SGCG: variants seen among roughly 807,000 people sequenced by gnomAD.
SGCG encodes the protein sarcoglycan gamma.
A neutral mutation model predicts 29.3 loss-of-function variants in SGCG; 26 were observed. The observed-to-expected ratio is 0.89, with a 90% CI of 0.65 to 1.23. The LOEUF (loss-of-function observed/expected upper bound fraction) is 1.23, where lower values mean the gene tolerates loss of function less well. SGCG is among the 50% of genes most tolerant of loss of function. The pLI, the probability that SGCG is intolerant of heterozygous loss-of-function variation, is 0.00. For missense variants in SGCG, 353 were observed against 356.0 expected, an observed-to-expected ratio of 0.99 and a Z score of 0.07; for synonymous variants, 145 against 129.7, an observed-to-expected ratio of 1.12 and a Z score of -0.80.
chr13:23,321,187 G>A (rs1248803990), intron 7 of SGCG, among the ~76,000 whole-genome samples: 2 of 152,082 alleles, frequency 1.3e-5, no homozygotes, highest in Non-Finnish European at 2.9e-5. Flanking sequence ...CAGTTTAAAT[G>A]AAAATGAAAG....
At chr13:23,236,559 T>C (rs936659619) in intron 3 of SGCG, among the ~76,000 whole-genome samples, 1 of 152,016 alleles carries the variant, frequency 6.6e-6, no homozygotes, top group Non-Finnish European at 1.5e-5. Flanking sequence ...GCGCCTGTAG[T>C]CCCAGCTACT....
intron 1 of SGCG, among the ~76,000 whole-genome samples, chr13:23,188,878 G>A (rs890128280): frequency 5.3e-5 from 8 of 152,176 alleles, no homozygotes; most frequent in African/African-American, 1.9e-4. Context: ...CCAATCTACA[G>A]GAGCAAGGAT....
At chr13:23,244,396 C>T (rs1879621158) in intron 3 of SGCG, 1 of 152,126 alleles carries the variant, frequency 6.6e-6, no homozygotes, top group South Asian at 2.1e-4. Context: ...TTATGAGAAG[C>T]CTTTGTGTTT....
chr13:23,265,492 C>T (rs1220910421), intron 4 of SGCG, among the ~76,000 whole-genome samples: 1 of 151,918 alleles, frequency 6.6e-6, no homozygotes, highest in Non-Finnish European at 1.5e-5. Flanking sequence ...CAGGAGAATT[C>T]GCTTGAACCT....
chr13:23,303,938 T>C (rs1882271034), intron 6 of SGCG, among the ~76,000 whole-genome samples: 1 of 152,220 alleles, frequency 6.6e-6, no homozygotes, highest in South Asian at 2.1e-4. Context: ...TTAAATATTT[T>C]AAATTTTGCC....
At chr13:23,297,082 T>C (rs1335772271) in intron 6 of SGCG, among the ~76,000 whole-genome samples, 1 of 152,118 alleles carries the variant, frequency 6.6e-6, no homozygotes, top group African/African-American at 2.4e-5. Flanking sequence ...CGGCTGACCA[T>C]GGCCAAACTA....
At chr13:23,178,113 A>G (rs528146097), upstream of SGCG, among the ~76,000 whole-genome samples, 21 of 152,306 alleles carry the variant, frequency 1.4e-4, no homozygotes, top group Admixed American at 5.9e-4. Context: ...AAGGAGTGAT[A>G]TGGACAGAAT....
At chr13:23,249,219 C>T (rs1401749072) in intron 3 of SGCG, among the ~76,000 whole-genome samples, 1 of 152,096 alleles carries the variant, frequency 6.6e-6, no homozygotes, top group Non-Finnish European at 1.5e-5. Context: ...GACTACCCTC[C>T]CATCCTGGAG....
At chr13:23,299,287 A>G (rs978150242) in intron 6 of SGCG, among the ~76,000 whole-genome samples, 47 of 121,764 alleles carry the variant, frequency 3.9e-4, no homozygotes, top group African/African-American at 1.3e-3. Flanking sequence ...TATGATGGTC[A>G]TATCTTCTTC....
the SGCG span, among the ~76,000 whole-genome samples, chr13:23,165,350 A>T: frequency 6.6e-6 from 1 of 152,164 alleles, no homozygotes; most frequent in Non-Finnish European, 1.5e-5. Flanking sequence ...TAATTATGTT[A>T]TATATGAGAT....
intron 4 of SGCG, among the ~76,000 whole-genome samples, chr13:23,262,207 A>G (rs945388449): frequency 1.3e-5 from 2 of 152,072 alleles, no homozygotes; most frequent in African/African-American, 4.8e-5. Flanking sequence ...CTTAAAAGAT[A>G]CAGATTAGCA....
chr13:23,180,344 C>T (rs112428581), upstream of SGCG, among the ~76,000 whole-genome samples: 1 of 25,624 alleles, frequency 3.9e-5, no homozygotes, highest in Non-Finnish European at 7.1e-5. Flanking sequence ...TTGTTAAACA[C>T]AATAGAAATG....
chr13:23,261,247 A>AT (rs148325128), intron 4 of SGCG, among the ~76,000 whole-genome samples: 4 of 150,724 alleles, frequency 2.7e-5, no homozygotes, highest in South Asian at 2.1e-4. Context: ...ATTCTGAAAA[A>AT]TTTTTTTTTT....
intron 4 of SGCG, among the ~76,000 whole-genome samples, chr13:23,277,274 A>G (rs1881113903): frequency 6.6e-6 from 1 of 152,222 alleles, no homozygotes; most frequent in Non-Finnish European, 1.5e-5. Flanking sequence ...AGATAACTTG[A>G]TAGTCACCAT....
intron 4 of SGCG, among the ~76,000 whole-genome samples, chr13:23,256,507 C>G (rs903072477): frequency 6.6e-6 from 1 of 152,016 alleles, no homozygotes; most frequent in African/African-American, 2.4e-5. Context: ...TAGGTATCTC[C>G]CCTAATGCTG....
At chr13:23,302,636 A>T (rs1236201529) in intron 6 of SGCG, among the ~76,000 whole-genome samples, 2 of 148,820 alleles carry the variant, frequency 1.3e-5, no homozygotes, top group African/African-American at 2.4e-5. Flanking sequence ...AAATATGTTC[A>T]TTTATTACAT....
the SGCG span, among the ~76,000 whole-genome samples, chr13:23,169,414 C>G: frequency 6.6e-5 from 10 of 151,296 alleles, no homozygotes; most frequent in Non-Finnish European, 1.3e-4. Flanking sequence ...GGCGCGGTGG[C>G]TCACGCCTGT....
the SGCG span, among the ~76,000 whole-genome samples, chr13:23,168,605 T>C: frequency 6.6e-6 from 1 of 152,338 alleles, no homozygotes; most frequent in East Asian, 1.9e-4. Flanking sequence ...CACTGTAACC[T>C]CTGTATACAA....
chr13:23,218,995 G>T (rs1354877315), intron 2 of SGCG, among the ~76,000 whole-genome samples: 2 of 147,682 alleles, frequency 1.4e-5, no homozygotes, highest in Admixed American at 1.4e-4. Flanking sequence ...AAAAAGCATA[G>T]TTTTTTTTAA....
Sources: gnomAD v4.1 joint callset for allele counts (sites outside exome capture counted in the v4.1 genomes callset) on GRCh38, gnomAD v4.1.1 for gene constraint, MANE v1.5 for transcripts, NCBI Gene and HGNC (gene_info 2026-07-23, HGNC 2026-07-21) for gene names.